TRIM13: variants seen among roughly 807,000 people sequenced by gnomAD.
TRIM13 encodes the protein tripartite motif containing 13, also known as E3 ubiquitin-protein ligase TRIM13.
In TRIM13, 15 loss-of-function variants were observed where a neutral mutation model predicts 27.1. The ratio of observed to expected loss-of-function variants is 0.55; its 90% CI spans 0.37 to 0.85. The LOEUF (loss-of-function observed/expected upper bound fraction) is 0.85, where lower values mean the gene tolerates loss of function less well. Ranked by LOEUF, TRIM13 falls within the 40% of genes least tolerant of loss-of-function variation. The probability of loss-of-function intolerance (pLI) is 0.00; values close to 1 mark genes in which losing one functional copy is unlikely to be tolerated. For synonymous variants in TRIM13, 193 were observed against 171.5 expected (o/e 1.13, Z -0.98); for missense variants, 402 against 472.2 (o/e 0.85, Z 1.38).
intron 1 of TRIM13, among the ~76,000 whole-genome samples, chr13:50,007,514 C>T (rs1318982539): frequency 2.0e-5 from 3 of 146,704 alleles, no homozygotes; most frequent in Non-Finnish European, 3.0e-5. Context: ...ACGCCAGGCA[C>T]GGTGGCTCAC....
At chr13:50,004,487 G>A (rs1004912742) in intron 1 of TRIM13, among the ~76,000 whole-genome samples, 1 of 152,082 alleles carries the variant, frequency 6.6e-6, no homozygotes, top group Non-Finnish European at 1.5e-5. Flanking sequence ...AACAGACTGG[G>A]CACACTGGCT....
chr13:50,016,848 A>G lies in TRIM13; in HGVS notation c.*3684A>G, dbSNP rs941537931. On this transcript the variant is annotated 3_prime_UTR_variant, in exon 2 of 2. Transcript: ENST00000378182. The stretch of plus-strand genomic sequence containing the variant: ...AAGCCTGCATGTGTTCTTTATTGGT[A>G]TCATTTAAAATATACTTTTTTTTTT... The G allele has an allele frequency of 1.9e-5, 3 of 155,364 alleles. No individual in the cohort carries two copies. The highest frequency in any genetic ancestry group is 7.9e-5 in the African/African-American group (3 of 37,912). The allele number at this position is 155,364 out of a possible 1,614,324, so 9.6% of individuals were successfully genotyped here. A position where few individuals can be genotyped will look rare whatever the true frequency, so the allele number is the denominator to read the frequency against.
At chr13:50,004,065 AC>A (rs2138360607) in intron 1 of TRIM13, among the ~76,000 whole-genome samples, 2 of 152,308 alleles carry the variant, frequency 1.3e-5, no homozygotes, top group East Asian at 3.9e-4. Flanking sequence ...ATTTTGGAAA[AC>A]TTGTTTGCCT....
In TRIM13 at chr13:50,017,840, G is replaced by T. The variant is rs1004785262; in HGVS notation, c.*4676G>T. 1.2e-5 allele frequency: 2 copies of T among 166,946 alleles called. No homozygotes were observed. Among genetic ancestry groups the T allele is most frequent in the African/African-American group, 4.8e-5 (2 of 41,426 alleles). The allele number at this position is 166,946 out of a possible 1,614,324, so 10.3% of individuals were successfully genotyped here. A position where few individuals can be genotyped will look rare whatever the true frequency, so the allele number is the denominator to read the frequency against. ...TATCTGTCTATTCAGATATTTTTTG[G>T]TAGGTTTGGAAAATGGAGAAGTGAG... On this transcript the variant is annotated 3_prime_UTR_variant, in exon 2 of 2. Transcript: ENST00000378182.
intron 1 of TRIM13, among the ~76,000 whole-genome samples, chr13:50,008,940 A>T (rs1274219985): frequency 7.0e-6 from 1 of 143,152 alleles, no homozygotes; most frequent in Non-Finnish European, 1.5e-5. Flanking sequence ...AGGCAGGAGG[A>T]TGGCTTGAGT....
rs1035518870 is a variant in TRIM13 at position 50,014,572 on chromosome 13, AAC to A, written c.*1410_*1411del. The A allele has an allele frequency of 1.8e-5, 3 of 166,586 alleles. No individual in the cohort carries two copies. Among genetic ancestry groups the A allele is most frequent in the African/African-American group, 4.8e-5 (2 of 41,292 alleles). 10.3% of individuals were successfully genotyped at this position (166,586 alleles called of 1,614,324 possible). ...TTAAGACTAATTTGACAACAGATAA[AAC>A]AGTCTGTCAGCTATTACAAAGTAAT... On this transcript the variant is annotated 3_prime_UTR_variant, in exon 2 of 2. Transcript: ENST00000378182.
chr13:50,012,602 A>G lies in TRIM13; in HGVS notation c.662A>G (p.Lys221Arg), dbSNP rs761266099. 4 of 1,614,140 alleles carry G rather than the reference A, an allele frequency of 2.5e-6. No homozygotes were observed. Among genetic ancestry groups the G allele is most frequent in the Non-Finnish European group, 3.4e-6 (4 of 1,180,012 alleles). The change falls in exon 2 of 2, where the codon AAA becomes AGA. Residue 221 changes from lysine (K) to arginine (R), a missense_variant. Lys to Arg is a conservative substitution (Grantham distance 26, BLOSUM62 2). Coordinates refer to ENST00000378182, the MANE Select transcript of TRIM13 (RefSeq NM_213590.3). ...CAAGCATATGACCCAGAGATCAACA[A>G]ACTCAACACCATCTTGCAGGAGCAA... Reference protein sequence around the residue: ...VMQAYDPEINKLNTILQEQRM... With the variant: ...VMQAYDPEINRLNTILQEQRM...
rs780695733 is a variant in TRIM13, at chr13:50,012,933, T to A, written c.993T>A (p.Gly331=). The A allele has an allele frequency of 1.9e-6, 3 of 1,613,990 alleles. No individual in the cohort carries two copies. The highest frequency in any genetic ancestry group is 2.5e-6 in the Non-Finnish European group (3 of 1,179,984). The change falls in exon 2 of 2, where the codon GGT becomes GGA. Residue 331 remains glycine (G), a synonymous_variant. Coordinates refer to ENST00000378182, the MANE Select transcript of TRIM13 (RefSeq NM_213590.3). ...ILLLGLVIVF[G]PTMFLEWSLF... ...TGCTTGGCCTTGTCATTGTCTTTGG[T>A]CCTACCATGTTCCTAGAATGGTCAT...
rs533292329 is a variant in TRIM13, at chr13:49,999,167, A to G, written c.-7+1404A>G. On this transcript the variant is annotated intron_variant, in intron 1 of 1. Coordinates refer to ENST00000378182, the MANE Select transcript of TRIM13 (RefSeq NM_213590.3). ...GTGGGCGTCTTGGCGATCACTAGGT[A>G]AAACCACGGGTGCAGGTGTCATGGC... is the stretch of plus-strand genomic sequence containing the variant. Among the ~76,000 whole-genome samples the G allele has an allele frequency of 7.9e-5, 12 of 152,110 alleles. No individual in the cohort carries two copies. In the South Asian group the frequency reaches 2.3e-3, roughly 29 times the overall value.
At position 49,997,201 on chromosome 13, in the gene TRIM13, G is replaced by C. The variant is rs1257195068; in HGVS notation, c.-569G>C. The C allele has an allele frequency of 6.6e-6, 1 of 152,180 alleles. No individual in the cohort carries two copies. Among genetic ancestry groups the C allele is most frequent in the African/African-American group, 2.4e-5 (1 of 41,420 alleles). The allele number at this position is 152,180 out of a possible 1,614,324, so 9.4% of individuals were successfully genotyped here. On this transcript the variant is annotated 5_prime_UTR_variant, in exon 1 of 2. Transcript: ENST00000378182. The stretch of plus-strand genomic sequence containing the variant: ...GGTGGTCCTCGAACCTTCAGCGAGG[G>C]TGGGGAGTTGCCCAGGTCAGCAGGG...
Position 50,015,843 on chromosome 13 carries a change from G to T in TRIM13, c.*2679G>T. On this transcript the variant is annotated 3_prime_UTR_variant, in exon 2 of 2. Coordinates refer to ENST00000378182, the MANE Select transcript of TRIM13 (RefSeq NM_213590.3). ...CTTGTGGAGGTACATTTCCTAAGCC[G>T]GAACACTCAAGCTTTTTTCAGGGTG... The T allele has an allele frequency of 6.2e-7, 1 of 1,613,808 alleles. No homozygotes were observed. The highest frequency in any genetic ancestry group is 1.1e-5 in the South Asian group (1 of 90,890).
chr13:50,008,658 A>G (rs1476496352), intron 1 of TRIM13, among the ~76,000 whole-genome samples: 1 of 152,152 alleles, frequency 6.6e-6, no homozygotes, highest in South Asian at 2.1e-4. Flanking sequence ...AATTAAAAAT[A>G]ATAAACCTGC....
At position 50,016,031 on chromosome 13, in the gene TRIM13, T is replaced by C. The variant is rs1400568549; in HGVS notation, c.*2867T>C. The C allele has an allele frequency of 1.2e-6, 2 of 1,614,124 alleles. No individual in the cohort carries two copies. Among genetic ancestry groups the C allele is most frequent in the Non-Finnish European group, 1.7e-6 (2 of 1,179,952 alleles). On this transcript the variant is annotated 3_prime_UTR_variant, in exon 2 of 2. Coordinates refer to ENST00000378182, the MANE Select transcript of TRIM13 (RefSeq NM_213590.3). ...TTCTTACCATGACCTGGTTTTCCAG[T>C]GTGGTTCTGACAGCACTACTGATAA...
chr13:50,008,957 G>C (rs1484228633), intron 1 of TRIM13, among the ~76,000 whole-genome samples: 1 of 149,650 alleles, frequency 6.7e-6, no homozygotes, highest in Non-Finnish European at 1.5e-5. Flanking sequence ...GAGTCCAAGA[G>C]GCAGAAGTTG....
Position 49,997,067 on chromosome 13 carries a change from C to G in TRIM13, c.-703C>G, listed in dbSNP as rs1439069255. ...GAGTCCATTTTGGGGCTGTGCTTGGCGCGTACCGTGCGGTCCCTGTAGTTG... is the reference window on the plus strand; with the variant it reads ...GAGTCCATTTTGGGGCTGTGCTTGGGGCGTACCGTGCGGTCCCTGTAGTTG... On this transcript the variant is annotated 5_prime_UTR_variant, in exon 1 of 2. Coordinates refer to ENST00000378182, the MANE Select transcript of TRIM13 (RefSeq NM_213590.3). 1 of 141,642 alleles carries G rather than the reference C, an allele frequency of 7.1e-6. No individual in the cohort carries two copies. Among genetic ancestry groups the G allele is most frequent in the Non-Finnish European group, 1.5e-5 (1 of 65,124 alleles). 8.8% of individuals were successfully genotyped at this position (141,642 alleles called of 1,614,324 possible). A position where few individuals can be genotyped will look rare whatever the true frequency, so the allele number is the denominator to read the frequency against.
intron 1 of TRIM13, among the ~76,000 whole-genome samples, chr13:49,998,917 G>A (rs145787951): frequency 1.4e-5 from 2 of 143,646 alleles, no homozygotes; most frequent in Non-Finnish European, 3.0e-5. Context: ...GCAACAGAGC[G>A]AGACTCTACC....
At chr13:50,010,936 C>T (rs765519486) in intron 1 of TRIM13, among the ~76,000 whole-genome samples, 6 of 152,248 alleles carry the variant, frequency 3.9e-5, no homozygotes, top group Admixed American at 6.5e-5. Flanking sequence ...GTGCTTTGTG[C>T]GTACTGCCTA....
At chr13:50,000,816 C>A (rs1334712455) in intron 1 of TRIM13, among the ~76,000 whole-genome samples, 1 of 152,146 alleles carries the variant, frequency 6.6e-6, no homozygotes, top group Non-Finnish European at 1.5e-5. Context: ...TGGATAACTT[C>A]GGTTTCAGTA....
Position 50,015,295 on chromosome 13 carries a change from T to C in TRIM13, c.*2131T>C. 2.1e-6 allele frequency: 1 copy of C among 485,180 alleles called. No homozygotes were observed. Among genetic ancestry groups the C allele is most frequent in the Non-Finnish European group, 3.7e-6 (1 of 269,130 alleles). 30.1% of individuals were successfully genotyped at this position (485,180 alleles called of 1,614,324 possible). ...CTTTTTCATTTTGTATACTGCAAGT[T>C]CCCAGGCAACTCGAATTTGCAAACA... is the stretch of plus-strand genomic sequence containing the variant. On this transcript the variant is annotated 3_prime_UTR_variant, in exon 2 of 2. Coordinates refer to ENST00000378182, the MANE Select transcript of TRIM13 (RefSeq NM_213590.3).
Sources: gnomAD v4.1 joint callset for allele counts (sites outside exome capture counted in the v4.1 genomes callset) on GRCh38, gnomAD v4.1.1 for gene constraint, MANE v1.5 for transcripts, NCBI Gene and HGNC (gene_info 2026-07-23, HGNC 2026-07-21) for gene names.